The following FXN variants were observed in gnomAD, a reference collection of about 807,000 sequenced individuals.
The protein encoded by FXN is frataxin, mitochondrial.
A neutral mutation model predicts 22.4 loss-of-function variants in FXN; 14 were observed. That is an observed-to-expected ratio of 0.62 (90% CI 0.41 to 0.98). The LOEUF (loss-of-function observed/expected upper bound fraction) is 0.98, where lower values mean the gene tolerates loss of function less well. FXN is among the 50% of genes least tolerant of loss of function. The pLI, the probability that FXN is intolerant of heterozygous loss-of-function variation, is 0.00. For synonymous variants in FXN, 120 were observed against 114.1 expected (o/e 1.05, Z -0.33); for missense variants, 267 against 268.4 (o/e 0.99, Z 0.04).
chr9:69,051,370 C>T (rs1473245346), intron 2 of FXN, among the ~76,000 whole-genome samples: 3 of 152,022 alleles, frequency 2.0e-5, no homozygotes, highest in African/African-American at 7.2e-5. Context: ...GCATGAGCCA[C>T]TGCACCCAGC....
chr9:69,053,458 G>A lies in FXN; in HGVS notation c.384+198G>A, dbSNP rs3829063. ...TGCACTCCAGCCTGGGTGACAGAGC[G>A]AGACTCTGTCATAGATGGATGGATG... On this transcript the variant is annotated intron_variant, in intron 3 of 4. Coordinates refer to ENST00000484259, the MANE Select transcript of FXN (RefSeq NM_000144.5). 0.066 allele frequency among the ~76,000 whole-genome samples: 9,922 copies of A among 150,226 alleles called. 604 individuals carry two copies. Among genetic ancestry groups the A allele is most frequent in the East Asian group, 0.23 (1,202 of 5,132 alleles).
At chr9:69,042,767 G>T (rs1314403196) in intron 1 of FXN, among the ~76,000 whole-genome samples, 1 of 152,158 alleles carries the variant, frequency 6.6e-6, no homozygotes, top group African/African-American at 2.4e-5. Context: ...GAGGGGCCAG[G>T]ATCCTGGAGA....
intron 4 of FXN, among the ~76,000 whole-genome samples, chr9:69,071,834 A>T (rs1358537275): frequency 6.6e-6 from 1 of 152,244 alleles, no homozygotes; most frequent in Non-Finnish European, 1.5e-5. Context: ...ATCTGATTCA[A>T]CCAACCGTGG....
At chr9:69,043,279 C>G (rs77612166) in intron 1 of FXN, among the ~76,000 whole-genome samples, 10,449 of 152,180 alleles carry the variant, frequency 0.069, 571 homozygotes, top group East Asian at 0.22. Flanking sequence ...TTGGTTATTT[C>G]TCTGTTAAAA....
rs577058186 is a variant in FXN, at chr9:69,070,028, A to C, written c.483-2584A>C. Among the ~76,000 whole-genome samples the C allele has an allele frequency of 2.2e-4, 34 of 152,312 alleles. No individual in the cohort carries two copies. In the South Asian group the frequency reaches 7.0e-3, roughly 32 times the overall value. Reference sequence around the variant, plus strand: ...CAGATGGCTTGAGCTCAGGAGTTCCAGACCAGCCTGGGCAACATGGTGAAA... The same window carrying C: ...CAGATGGCTTGAGCTCAGGAGTTCCCGACCAGCCTGGGCAACATGGTGAAA... On this transcript the variant is annotated intron_variant, in intron 4 of 4. Transcript: ENST00000484259.
intron 1 of FXN, among the ~76,000 whole-genome samples, chr9:69,045,347 GC>G (rs1831730692): frequency 6.6e-6 from 1 of 151,914 alleles, no homozygotes; most frequent in African/African-American, 2.4e-5. Context: ...CTCACATCCA[GC>G]ATTTTGGGAA....
intron 1 of FXN, among the ~76,000 whole-genome samples, chr9:69,042,311 C>T (rs762092438): frequency 6.6e-6 from 1 of 151,384 alleles, no homozygotes; most frequent in Non-Finnish European, 1.5e-5. Flanking sequence ...TCAAGCAGAA[C>T]AGAATGGAGC....
In FXN at chr9:69,073,348, G is replaced by C. The variant is rs1299784541; in HGVS notation, c.*586G>C. 1.0e-5 allele frequency: 10 copies of C among 990,464 alleles called. No individual in the cohort carries two copies. Among genetic ancestry groups the C allele is most frequent in the Non-Finnish European group, 1.2e-5 (10 of 833,030 alleles). 61.4% of individuals were successfully genotyped at this position (990,464 alleles called of 1,614,324 possible). A position where few individuals can be genotyped will look rare whatever the true frequency, so the allele number is the denominator to read the frequency against. Reference sequence around the variant, plus strand: ...TGACTGCCAAGGTGTGGCCTGCACTGGGTTGTCCAGGGAGACCTAGTGCTG... The same window carrying C: ...TGACTGCCAAGGTGTGGCCTGCACTCGGTTGTCCAGGGAGACCTAGTGCTG... On this transcript the variant is annotated 3_prime_UTR_variant, in exon 5 of 5. Coordinates refer to ENST00000484259, the MANE Select transcript of FXN (RefSeq NM_000144.5).
Position 69,056,740 on chromosome 9 carries a change from CT to C in FXN, c.384+3494del, listed in dbSNP as rs796950003. Among the ~76,000 whole-genome samples, 792 of 142,604 alleles carry C rather than the reference CT, an allele frequency of 5.6e-3. 4 individuals are homozygous for C. Among genetic ancestry groups the C allele is most frequent in the African/African-American group, 0.013 (511 of 39,048 alleles). The allele number at this position is 142,604 out of a possible 152,430, so 93.6% of individuals were successfully genotyped here. A position where few individuals can be genotyped will look rare whatever the true frequency, so the allele number is the denominator to read the frequency against. On this transcript the variant is annotated intron_variant, in intron 3 of 4. Coordinates refer to ENST00000484259, the MANE Select transcript of FXN (RefSeq NM_000144.5). ...AGTTGATACCAGTGGTGAAGTGAGT[CT>C]TTTTTTTTTTTTTCTTTTTGAGATG...
chr9:69,078,047 G>A lies in FXN; in HGVS notation c.*5285G>A, dbSNP rs1587835562. 1 of 985,270 alleles carries A rather than the reference G, an allele frequency of 1.0e-6. No individual in the cohort carries two copies. The highest frequency in any genetic ancestry group is 1.7e-5 in the African/African-American group (1 of 57,226). 61.0% of individuals were successfully genotyped at this position (985,270 alleles called of 1,614,324 possible). On this transcript the variant is annotated 3_prime_UTR_variant, in exon 5 of 5. Coordinates refer to ENST00000484259, the MANE Select transcript of FXN (RefSeq NM_000144.5). Reference sequence around the variant, plus strand: ...TTTCCTACCGCACTCTATGATGCTAGCTGAGATTTTTCCAAAAGAAAATGG... The same window carrying A: ...TTTCCTACCGCACTCTATGATGCTAACTGAGATTTTTCCAAAAGAAAATGG...
chr9:69,037,339 G>A (rs1363651885), intron 1 of FXN, among the ~76,000 whole-genome samples: 2 of 147,066 alleles, frequency 1.4e-5, no homozygotes, highest in Non-Finnish European at 3.0e-5. Flanking sequence ...GGTGTCGCGC[G>A]CCTGTAATCC....
chr9:69,057,871 A>T (rs776783015), intron 3 of FXN, among the ~76,000 whole-genome samples: 3 of 152,058 alleles, frequency 2.0e-5, no homozygotes, highest in Admixed American at 6.6e-5. Flanking sequence ...ATAATTGTCT[A>T]TTTACACGTC....
At chr9:69,047,022 G>T (rs1831767573) in intron 2 of FXN, among the ~76,000 whole-genome samples, 5 of 152,222 alleles carry the variant, frequency 3.3e-5, no homozygotes, top group Admixed American at 3.3e-4. Context: ...ATTCTGGTGG[G>T]AAGAACTTAG....
chr9:69,047,965 G>A (rs571476416), intron 2 of FXN, among the ~76,000 whole-genome samples: 2 of 151,996 alleles, frequency 1.3e-5, no homozygotes, highest in East Asian at 1.9e-4. Context: ...TGATCCGCCC[G>A]CCTCGGCCTC....
chr9:69,072,558 G>A, intron 4 of FXN, 54 bp from the exon 5 acceptor site: 2 of 1,612,304 alleles, frequency 1.2e-6, no homozygotes, highest in Non-Finnish European at 1.7e-6. Context: ...GGAATCAGTG[G>A]TTCATCTGAA....
Position 69,046,591 on chromosome 9 carries a change from C to T in FXN, c.263+109C>T, listed in dbSNP as rs189278002. The T allele has an allele frequency of 5.3e-6, 4 of 751,330 alleles. No individual in the cohort carries two copies. In the Admixed American group the frequency reaches 8.0e-5, roughly 15 times the overall value. The allele number at this position is 751,330 out of a possible 1,614,324, so 46.5% of individuals were successfully genotyped here. ...GCAGCAACAATCTTAGGCATCTTTC[C>T]ATGTGACTGAGTATCCACCACATTA... is the stretch of plus-strand genomic sequence containing the variant. On this transcript the variant is annotated intron_variant, in intron 2 of 4. Coordinates refer to ENST00000484259, the MANE Select transcript of FXN (RefSeq NM_000144.5).
In FXN at chr9:69,077,761, C is replaced by G; in HGVS notation, c.*4999C>G. The stretch of plus-strand genomic sequence containing the variant: ...CCTGGTCAACATGGTAAAACCCCGC[C>G]TCTACTAAAAATACAAAAATTAGCT... On this transcript the variant is annotated 3_prime_UTR_variant, in exon 5 of 5. Coordinates refer to ENST00000484259, the MANE Select transcript of FXN (RefSeq NM_000144.5). The G allele has an allele frequency of 4.4e-6, 3 of 679,432 alleles. No homozygotes were observed. Among genetic ancestry groups the G allele is most frequent in the South Asian group, 6.6e-5 (1 of 15,198 alleles). The allele number at this position is 679,432 out of a possible 1,614,324, so 42.1% of individuals were successfully genotyped here.
chr9:69,069,331 C>A (rs146824991), intron 4 of FXN, among the ~76,000 whole-genome samples: 3 of 152,164 alleles, frequency 2.0e-5, no homozygotes, highest in African/African-American at 7.2e-5. Flanking sequence ...TGCCACAGCA[C>A]TCCATCCTGG....
At chr9:69,049,836 TAC>T (rs1831819979) in intron 2 of FXN, among the ~76,000 whole-genome samples, 1 of 152,164 alleles carries the variant, frequency 6.6e-6, no homozygotes, top group Non-Finnish European at 1.5e-5. Context: ...ATCACTAATC[TAC>T]TTTCTGTCTC....
Sources: allele counts gnomAD v4.1 joint callset (sites outside exome capture counted in the v4.1 genomes callset), GRCh38; gene constraint gnomAD v4.1.1; transcripts MANE v1.5; gene names NCBI Gene and HGNC (gene_info 2026-07-23, HGNC 2026-07-21).